The following ANK2 variants were observed in gnomAD, a reference collection of about 807,000 sequenced individuals.
ANK2 encodes ankyrin-2.
A neutral mutation model predicts 360.5 loss-of-function variants in ANK2; 83 were observed. The ratio of observed to expected loss-of-function variants is 0.23; its 90% CI spans 0.19 to 0.28. The LOEUF (loss-of-function observed/expected upper bound fraction) is 0.28, where lower values mean the gene tolerates loss of function less well. ANK2 is among the 10% of genes least tolerant of loss of function. ANK2 has a pLI of 1.00. For missense variants in ANK2, 4,201 were observed against 4,795.7 expected (o/e 0.88, Z 3.66); for synonymous variants, 1,740 against 1,759.5 (o/e 0.99, Z 0.28).
At chr4:112,761,873 C>T in the ANK2 span, among the ~76,000 whole-genome samples, 7 of 152,274 alleles carry the variant, frequency 4.6e-5, no homozygotes, top group South Asian at 2.1e-4. Flanking sequence ...ACTGAGCCTC[C>T]GGTAGGTTCT....
Position 113,358,717 on chromosome 4 carries a change from T to A in ANK2, c.10099T>A (p.Ser3367Thr), listed in dbSNP as rs878854255. Residue 3367 changes from serine to threonine, a missense_variant, in exon 38 of 46, where the codon TCT becomes ACT. By Grantham distance (58) the Ser-to-Thr change is moderately conservative. Around this residue, in one of 4 missense-constraint regions of ANK2, gnomAD observed 2,642 missense variants for 2,714.5 expected, o/e 0.97. Coordinates refer to ENST00000357077, the MANE Select transcript of ANK2 (RefSeq NM_001148.6). ...ACAGCAGCTCTCAGATCTAGACACC[T>A]CTGTCCAGAAGACAGTGGCTCCTCA... is the stretch of plus-strand genomic sequence containing the variant. ...VEQQLSDLDT[S>T]VQKTVAPQGQ... is the part of the protein sequence containing the mutation. 4 of 1,614,016 alleles carry A rather than the reference T, an allele frequency of 2.5e-6. No homozygotes were observed.
chr4:113,010,501 G>A (rs551915888), intron 2 of ANK2, among the ~76,000 whole-genome samples: 14 of 152,252 alleles, frequency 9.2e-5, no homozygotes, highest in African/African-American at 3.4e-4. Flanking sequence ...TGGGAACACT[G>A]AAGTGAACAA....
chr4:112,915,068 T>C (rs1267684120), intron 2 of ANK2, among the ~76,000 whole-genome samples: 1 of 152,210 alleles, frequency 6.6e-6, no homozygotes, highest in African/African-American at 2.4e-5. Context: ...TGACTAAATT[T>C]AGGGCCTATA....
chr4:113,312,053 G>A (rs1487456515), intron 24 of ANK2, among the ~76,000 whole-genome samples: 1 of 152,098 alleles, frequency 6.6e-6, no homozygotes, highest in Non-Finnish European at 1.5e-5. Flanking sequence ...AGTACAACTG[G>A]CACTTGTTAT....
At chr4:113,347,635 A>G (rs1323733046) in intron 35 of ANK2, among the ~76,000 whole-genome samples, 2 of 152,150 alleles carry the variant, frequency 1.3e-5, no homozygotes, top group African/African-American at 2.4e-5. Context: ...CAAAAAGAAA[A>G]AAATCCCAGA....
At position 113,176,138 on chromosome 4, in the gene ANK2, G is replaced by T. The variant is rs187793324; in HGVS notation, c.186+1621G>T. Among the ~76,000 whole-genome samples the T allele has an allele frequency of 3.9e-3, 598 of 152,236 alleles. 6 individuals are homozygous for T. The highest frequency in any genetic ancestry group is 0.014 in the African/African-American group (564 of 41,524). The stretch of plus-strand genomic sequence containing the variant: ...CCCACATGTATGGGCATCCATCATT[G>T]GTCCTTTGTGTCAACCCTGTTAGAT... On this transcript the variant is annotated intron_variant, in intron 2 of 45. Coordinates refer to ENST00000357077, the MANE Select transcript of ANK2 (RefSeq NM_001148.6).
intron 1 of ANK2, among the ~76,000 whole-genome samples, chr4:112,867,439 C>G (rs186431026): frequency 1.3e-5 from 2 of 152,040 alleles, no homozygotes; most frequent in East Asian, 3.9e-4. Flanking sequence ...AAATTCACCA[C>G]TTTAAAGTGT....
In ANK2 at chr4:113,363,196, G is replaced by A. The variant is rs1278644632; in HGVS notation, c.10757-142G>A. On this transcript the variant is annotated intron_variant, in intron 39 of 45. Coordinates refer to ENST00000357077, the MANE Select transcript of ANK2 (RefSeq NM_001148.6). ...ACTAGAAGAACAAAGGCATATAAGA[G>A]TCACTTCTAATATGTAGAAATTAAG... 6 of 791,744 alleles carry A rather than the reference G, an allele frequency of 7.6e-6. No homozygotes were observed. In the Admixed American group the frequency reaches 1.2e-4, roughly 15 times the overall value. 49.0% of individuals were successfully genotyped at this position (791,744 alleles called of 1,614,324 possible). A position where few individuals can be genotyped will look rare whatever the true frequency, so the allele number is the denominator to read the frequency against.
intron 1 of ANK2, among the ~76,000 whole-genome samples, chr4:112,872,016 T>C (rs1465734403): frequency 4.6e-5 from 7 of 152,032 alleles, no homozygotes; most frequent in Non-Finnish European, 8.8e-5. Flanking sequence ...TTGAGGGTTT[T>C]TGCATCTGTA....
At chr4:113,242,069 T>C in intron 8 of ANK2, 42 bp from the exon 9 acceptor site, 1 of 1,524,956 alleles carries the variant, frequency 6.6e-7, no homozygotes, top group South Asian at 1.1e-5. Flanking sequence ...CATCATGCCC[T>C]GTCATACCCA....
At chr4:113,292,297 C>T (rs1321606050) in intron 20 of ANK2, 119 bp from the exon 21 acceptor site, 6 of 937,346 alleles carry the variant, frequency 6.4e-6, no homozygotes, top group Non-Finnish European at 1.0e-5. Flanking sequence ...ATCTTGGGCT[C>T]CAAATAAAGC....
chr4:113,197,861 C>T (rs1385659901), intron 3 of ANK2, among the ~76,000 whole-genome samples: 1 of 152,112 alleles, frequency 6.6e-6, no homozygotes, highest in Non-Finnish European at 1.5e-5. Flanking sequence ...ACATTTTAAA[C>T]AAATATTTAA....
intron 2 of ANK2, among the ~76,000 whole-genome samples, chr4:112,976,174 G>A (rs544672936): frequency 1.3e-5 from 2 of 151,514 alleles, no homozygotes; most frequent in Middle Eastern, 6.9e-3. Flanking sequence ...ATCATACATA[G>A]CCCTAGGTAT....
intron 1 of ANK2, among the ~76,000 whole-genome samples, chr4:112,851,592 T>C (rs2065005291): frequency 6.6e-6 from 1 of 152,184 alleles, no homozygotes; most frequent in South Asian, 2.1e-4. Flanking sequence ...TCATGTGCCA[T>C]AGAGTCGAAT....
At chr4:112,911,605 G>A (rs912614585) in intron 2 of ANK2, among the ~76,000 whole-genome samples, 1 of 152,032 alleles carries the variant, frequency 6.6e-6, no homozygotes, top group Non-Finnish European at 1.5e-5. Context: ...CTATGGGTGC[G>A]TGCCCACACC....
intron 1 of ANK2, among the ~76,000 whole-genome samples, chr4:113,128,477 G>C (rs1319512629): frequency 2.0e-5 from 3 of 152,114 alleles, no homozygotes; most frequent in African/African-American, 7.2e-5. Flanking sequence ...AATATCATAT[G>C]AACTCGTTGT....
chr4:112,953,468 C>G (rs182323790), intron 2 of ANK2, among the ~76,000 whole-genome samples: 37 of 152,352 alleles, frequency 2.4e-4, no homozygotes, highest in African/African-American at 7.7e-4. Flanking sequence ...ACAGCCCTGC[C>G]TATTGTTCCC....
chr4:112,795,885 A>G, the ANK2 span, among the ~76,000 whole-genome samples: 1 of 149,830 alleles, frequency 6.7e-6, no homozygotes, highest in South Asian at 2.1e-4. Flanking sequence ...TGCATCCTCA[A>G]CCTCCCCAGC....
chr4:113,183,062 G>T (rs967326484), intron 2 of ANK2, among the ~76,000 whole-genome samples: 2 of 152,128 alleles, frequency 1.3e-5, no homozygotes, highest in South Asian at 4.1e-4. Context: ...TGCTAGAATC[G>T]TGGATAGTTC....
Sources: allele counts gnomAD v4.1 joint callset (sites outside exome capture counted in the v4.1 genomes callset), GRCh38; gene constraint gnomAD v4.1.1; regional missense constraint gnomAD v4.1.1; transcripts MANE v1.5; gene names NCBI Gene and HGNC (gene_info 2026-07-23, HGNC 2026-07-21).